TSPAN2: variants seen among roughly 807,000 people sequenced by gnomAD.
TSPAN2 encodes the protein tetraspanin 2.
TSPAN2 carries 24 observed loss-of-function variants against 33.3 expected under a neutral mutation model. The observed-to-expected ratio is 0.72, with a 90% CI of 0.52 to 1.01. The LOEUF is 1.01. Ranked by LOEUF, TSPAN2 falls within the 50% of genes least tolerant of loss-of-function variation. TSPAN2 has a pLI of 0.00. For synonymous variants in TSPAN2, 114 were observed against 104.5 expected (o/e 1.09, Z -0.56); for missense variants, 278 against 281.3 (o/e 0.99, Z 0.08).
At chr1:115,069,467 A>G (rs1000748275) in intron 2 of TSPAN2, among the ~76,000 whole-genome samples, 1 of 152,196 alleles carries the variant, frequency 6.6e-6, no homozygotes. Flanking sequence ...TGAAAAAAGC[A>G]TGTTCTACTT....
rs1002952520 is a variant in TSPAN2, at chr1:115,049,230, T to A, written c.*1260A>T. 3 of 152,276 alleles carry A rather than the reference T, an allele frequency of 2.0e-5. No homozygotes were observed. The highest frequency in any genetic ancestry group is 7.2e-5 in the African/African-American group (3 of 41,440). 9.4% of individuals were successfully genotyped at this position (152,276 alleles called of 1,614,324 possible). On this transcript the variant is annotated 3_prime_UTR_variant, in exon 8 of 8. Coordinates refer to ENST00000369516, the MANE Select transcript of TSPAN2 (RefSeq NM_005725.6). The stretch of plus-strand genomic sequence containing the variant: ...GTTAAGACCAAAAAAACATTGAAAA[T>A]TTTATTTTCACAGGGGATTTGCATA...
chr1:115,054,078 A>C (rs188799380), intron 6 of TSPAN2, among the ~76,000 whole-genome samples: 61 of 152,286 alleles, frequency 4.0e-4, no homozygotes, highest in African/African-American at 1.4e-3. Context: ...TGCAGCATAG[A>C]TTCAAAGGGC....
intron 1 of TSPAN2, among the ~76,000 whole-genome samples, chr1:115,075,280 C>T (rs1377094553): frequency 6.6e-6 from 1 of 152,166 alleles, no homozygotes; most frequent in Admixed American, 6.5e-5. Context: ...TGCCCCTAAC[C>T]CCCAACCACA....
chr1:115,052,019 C>T (rs1472177745), intron 7 of TSPAN2, among the ~76,000 whole-genome samples: 1 of 152,156 alleles, frequency 6.6e-6, no homozygotes, highest in Non-Finnish European at 1.5e-5. Flanking sequence ...AGCCTACTGC[C>T]GACACGAGTC....
rs1458389220 is a variant in TSPAN2, at chr1:115,048,633, T to G, written c.*1857A>C. On this transcript the variant is annotated 3_prime_UTR_variant, in exon 8 of 8. Coordinates refer to ENST00000369516, the MANE Select transcript of TSPAN2 (RefSeq NM_005725.6). Reference sequence around the variant, plus strand: ...TTCTGAGTTGGAAAGAACCCGAGTATGCACTTGGGCCTGTTTCCTGTCTTC... The same window carrying G: ...TTCTGAGTTGGAAAGAACCCGAGTAGGCACTTGGGCCTGTTTCCTGTCTTC... 1 of 152,094 alleles carries G rather than the reference T, an allele frequency of 6.6e-6. No individual in the cohort carries two copies. Among genetic ancestry groups the G allele is most frequent in the Non-Finnish European group, 1.5e-5 (1 of 67,972 alleles). The allele number at this position is 152,094 out of a possible 1,614,324, so 9.4% of individuals were successfully genotyped here.
Position 115,062,619 on chromosome 1 carries a change from G to C in TSPAN2, c.173-387C>G, listed in dbSNP as rs568261372. Among the ~76,000 whole-genome samples, 75 of 152,320 alleles carry C rather than the reference G, an allele frequency of 4.9e-4. No individual in the cohort carries two copies. The Middle Eastern group carries it at 0.01, about 21-fold the overall frequency. On this transcript the variant is annotated intron_variant, in intron 2 of 7. Transcript: ENST00000369516. ...ATGCTCTGGTTCTGAGAGAACTAAAGCCAAGCCTTTTTGTATTTCCTTCTC... is the reference window on the plus strand; with the variant it reads ...ATGCTCTGGTTCTGAGAGAACTAAACCCAAGCCTTTTTGTATTTCCTTCTC...
intron 2 of TSPAN2, among the ~76,000 whole-genome samples, chr1:115,069,738 G>A (rs1648091542): frequency 6.6e-6 from 1 of 152,194 alleles, no homozygotes; most frequent in African/African-American, 2.4e-5. Context: ...TGATAGACAT[G>A]TCCATAAAGA....
At chr1:115,076,506 G>T (rs1014955751) in intron 1 of TSPAN2, among the ~76,000 whole-genome samples, 15 of 152,170 alleles carry the variant, frequency 9.9e-5, no homozygotes, top group African/African-American at 3.1e-4. Context: ...ACCAGGGACA[G>T]GACACCAGGG....
rs116240043 is a variant in TSPAN2 at position 115,060,259 on chromosome 1, C to G, written c.345+205G>C. Reference sequence around the variant, plus strand: ...TCATAAGTCTAATGGAAGAGATGAACTATCTCCCCAGAAAAATGTGAGCAT... The same window carrying G: ...TCATAAGTCTAATGGAAGAGATGAAGTATCTCCCCAGAAAAATGTGAGCAT... On this transcript the variant is annotated intron_variant, in intron 4 of 7. Transcript: ENST00000369516. Among the ~76,000 whole-genome samples, 1,184 of 152,022 alleles carry G rather than the reference C, an allele frequency of 7.8e-3. 23 individuals carry two copies. Among genetic ancestry groups the G allele is most frequent in the African/African-American group, 0.027 (1,133 of 41,432 alleles).
Position 115,072,904 on chromosome 1 carries a change from C to A in TSPAN2, c.172+1G>T. On this transcript the variant is annotated splice_donor_variant, in intron 2 of 7. Coordinates refer to ENST00000369516, the MANE Select transcript of TSPAN2 (RefSeq NM_005725.6). LOFTEE classifies it high-confidence loss of function. ...GAGCTTAGGAAGCTGGAGTCACTCA[C>A]CCACATAGAAATACTCTGGGGACTT... The A allele has an allele frequency of 1.2e-6, 2 of 1,611,052 alleles. No individual in the cohort carries two copies. The highest frequency in any genetic ancestry group is 1.7e-6 in the Non-Finnish European group (2 of 1,177,206).
intron 2 of TSPAN2, among the ~76,000 whole-genome samples, chr1:115,067,492 T>C (rs1647995741): frequency 6.6e-6 from 1 of 152,184 alleles, no homozygotes; most frequent in Non-Finnish European, 1.5e-5. Context: ...GTCTCAACAA[T>C]GTAAGCTACA....
intron 4 of TSPAN2, among the ~76,000 whole-genome samples, chr1:115,060,204 C>G (rs1557877694): frequency 6.8e-6 from 1 of 147,146 alleles, no homozygotes; most frequent in African/African-American, 2.5e-5. Flanking sequence ...ATTAGAGATC[C>G]TTTTTTTTTT....
At chr1:115,080,746 T>A (rs1169237975) in intron 1 of TSPAN2, among the ~76,000 whole-genome samples, 2 of 152,164 alleles carry the variant, frequency 1.3e-5, no homozygotes, top group African/African-American at 4.8e-5. Flanking sequence ...ACTTACCTCA[T>A]CAAGGGGATA....
chr1:115,055,585 G>A (rs368015868), intron 6 of TSPAN2, among the ~76,000 whole-genome samples: 2 of 151,782 alleles, frequency 1.3e-5, no homozygotes, highest in Admixed American at 6.6e-5. Context: ...GTGCAGTGGC[G>A]CGATCTCGGC....
intron 5 of TSPAN2, among the ~76,000 whole-genome samples, 180 bp downstream of exon 5, chr1:115,058,703 T>A (rs1280680716): frequency 6.6e-6 from 1 of 152,242 alleles, no homozygotes; most frequent in Non-Finnish European, 1.5e-5. Flanking sequence ...GTGATAGACA[T>A]CTTTCCCTTC....
chr1:115,085,633 C>T (rs539637262), intron 1 of TSPAN2, among the ~76,000 whole-genome samples: 2 of 152,262 alleles, frequency 1.3e-5, no homozygotes, highest in East Asian at 1.9e-4. Context: ...ATCCCCCACC[C>T]CTTTCCCAAA....
At position 115,051,865 on chromosome 1, in the gene TSPAN2, C is replaced by T. The variant is rs1180017838; in HGVS notation, c.601-1310G>A. On this transcript the variant is annotated intron_variant, in intron 7 of 7. Coordinates refer to ENST00000369516, the MANE Select transcript of TSPAN2 (RefSeq NM_005725.6). ...TTAGCTGATTACATTGTGCAACTCTCACTTTACAGAGAAAAGAACTAACGA... is the reference window on the plus strand; with the variant it reads ...TTAGCTGATTACATTGTGCAACTCTTACTTTACAGAGAAAAGAACTAACGA... Among the ~76,000 whole-genome samples, 4 of 152,200 alleles carry T rather than the reference C, an allele frequency of 2.6e-5. No homozygotes were observed. In the East Asian group the frequency reaches 7.7e-4, roughly 29 times the overall value.
intron 2 of TSPAN2, among the ~76,000 whole-genome samples, chr1:115,069,880 AAC>A (rs1226660684): frequency 6.6e-6 from 1 of 152,222 alleles, no homozygotes; most frequent in African/African-American, 2.4e-5. Flanking sequence ...TCCTGAATGA[AAC>A]ACACAATTCT....
rs1570961347 is a variant in TSPAN2, at chr1:115,049,504, G to C, written c.*986C>G. ...CAAAAAGTTAGGAAAACATGTAAAC[G>C]TAAGTTATGAGGTATTTCATAGATA... On this transcript the variant is annotated 3_prime_UTR_variant, in exon 8 of 8. Coordinates refer to ENST00000369516, the MANE Select transcript of TSPAN2 (RefSeq NM_005725.6). 1 of 152,504 alleles carries C rather than the reference G, an allele frequency of 6.6e-6. No homozygotes were observed. 9.4% of individuals were successfully genotyped at this position (152,504 alleles called of 1,614,324 possible).
Sources: allele counts gnomAD v4.1 joint callset (sites outside exome capture counted in the v4.1 genomes callset), GRCh38; gene constraint gnomAD v4.1.1; transcripts MANE v1.5; gene names NCBI Gene and HGNC (gene_info 2026-07-23, HGNC 2026-07-21).